GRM1: variants seen among roughly 807,000 people sequenced by gnomAD.
GRM1 encodes the protein metabotropic glutamate receptor 1.
In GRM1, 33 loss-of-function variants were observed where a neutral mutation model predicts 90.9. That is an observed-to-expected ratio of 0.36 (90% confidence interval 0.28 to 0.49). GRM1 has a LOEUF of 0.49. GRM1 is among the 20% of genes least tolerant of loss of function. The probability of loss-of-function intolerance (pLI) is 0.99; values close to 1 mark genes in which losing one functional copy is unlikely to be tolerated. For synonymous variants in GRM1, 700 were observed against 613.2 expected, an observed-to-expected ratio of 1.14 and a Z score of -2.09; for missense variants, 1,190 against 1,534.3, an observed-to-expected ratio of 0.78 and a Z score of 3.75.
intron 7 of GRM1, among the ~76,000 whole-genome samples, chr6:146,425,377 G>T (rs1270234695): frequency 6.6e-6 from 1 of 152,196 alleles, no homozygotes; most frequent in African/African-American, 2.4e-5. Context: ...ATGGGAAGGG[G>T]CATGGTCTCC....
chr6:146,404,705 G>A (rs923885608), intron 7 of GRM1, among the ~76,000 whole-genome samples: 1 of 152,126 alleles, frequency 6.6e-6, no homozygotes, highest in Admixed American at 6.6e-5. Context: ...TGTAGTGTTG[G>A]GCAACTTTGC....
intron 7 of GRM1, among the ~76,000 whole-genome samples, chr6:146,427,948 C>G (rs1778272738): frequency 6.6e-6 from 1 of 152,078 alleles, no homozygotes; most frequent in South Asian, 2.1e-4. Context: ...ACAGCAGGGC[C>G]AGAGAGAGAG....
rs139699018 is a variant in GRM1, at chr6:146,265,823, T to C, written c.951-38788T>C. 4.1e-3 allele frequency among the ~76,000 whole-genome samples: 622 copies of C among 152,334 alleles called. 6 individuals carry two copies. Among genetic ancestry groups the C allele is most frequent in the African/African-American group, 0.014 (585 of 41,574 alleles). The stretch of plus-strand genomic sequence containing the variant: ...TTTATTTTTGTCAACCATCATTGTA[T>C]GTGGCTTTACTTATGGGTTGTCTAT... On this transcript the variant is annotated intron_variant, in intron 2 of 7. Coordinates refer to ENST00000282753, the MANE Select transcript of GRM1 (RefSeq NM_001278064.2).
chr6:146,407,842 C>T (rs374138786), intron 7 of GRM1, among the ~76,000 whole-genome samples: 79 of 152,104 alleles, frequency 5.2e-4, no homozygotes, highest in African/African-American at 1.9e-3. Flanking sequence ...GAGATAGAGC[C>T]CATTCCCAAA....
intron 2 of GRM1, among the ~76,000 whole-genome samples, chr6:146,294,207 A>G (rs1783095441): frequency 6.6e-6 from 1 of 151,816 alleles, no homozygotes; most frequent in African/African-American, 2.4e-5. Context: ...TAAAAAATAT[A>G]AGCATTTCTG....
At chr6:146,176,928 A>C (rs1258572363) in intron 2 of GRM1, among the ~76,000 whole-genome samples, 1 of 152,096 alleles carries the variant, frequency 6.6e-6, no homozygotes, top group Non-Finnish European at 1.5e-5. Context: ...AGTGATACCA[A>C]TATTAACATC....
chr6:146,290,238 G>T (rs964641854), intron 2 of GRM1, among the ~76,000 whole-genome samples: 4 of 152,080 alleles, frequency 2.6e-5, no homozygotes, highest in African/African-American at 9.7e-5. Context: ...CATCTCCAGA[G>T]AAACCAAAAA....
At chr6:146,339,621 A>G (rs939670281) in intron 3 of GRM1, among the ~76,000 whole-genome samples, 3 of 152,230 alleles carry the variant, frequency 2.0e-5, no homozygotes, top group Admixed American at 6.5e-5. Flanking sequence ...TTGCTGAGTT[A>G]TCAGTCATTC....
intron 6 of GRM1, among the ~76,000 whole-genome samples, chr6:146,388,496 T>G (rs1002737944): frequency 6.6e-6 from 1 of 152,066 alleles, no homozygotes; most frequent in Non-Finnish European, 1.5e-5. Flanking sequence ...TTATACTAAG[T>G]GACAATACCT....
At chr6:146,157,910 T>A (rs1562498531) in intron 1 of GRM1, among the ~76,000 whole-genome samples, 1 of 151,814 alleles carries the variant, frequency 6.6e-6, no homozygotes, top group Non-Finnish European at 1.5e-5. Context: ...AAATGGGGAG[T>A]GGGAATGGTT....
rs1188782651 is a variant in GRM1, at chr6:146,399,271, T to A, written c.2232T>A (p.Leu744=). The change falls in exon 7 of 8, where the codon CTT becomes CTA. Residue 744 remains leucine, a synonymous_variant. Transcript: ENST00000282753. The surrounding 1 kb of genome is among the most constrained non-coding windows in gnomAD (Gnocchi z 5.4). The stretch of plus-strand genomic sequence containing the variant: ...ACCCAAGTATCAAGGAAGTCTACCT[T>A]ATCTGCAATACCAGCAACCTGGGTG... ...LSYPSIKEVY[L]ICNTSNLGVV... The A allele has an allele frequency of 6.2e-7, 1 of 1,614,096 alleles. No homozygotes were observed. The highest frequency in any genetic ancestry group is 1.7e-5 in the Admixed American group (1 of 60,016).
intron 1 of GRM1, among the ~76,000 whole-genome samples, chr6:146,121,336 T>G (rs1260943706): frequency 6.6e-6 from 1 of 152,198 alleles, no homozygotes; most frequent in Non-Finnish European, 1.5e-5. Context: ...CTTTTTTTCT[T>G]TATTAATCTT....
intron 1 of GRM1, among the ~76,000 whole-genome samples, chr6:146,099,121 C>A (rs996967065): frequency 2.0e-5 from 3 of 152,126 alleles, no homozygotes; most frequent in African/African-American, 7.2e-5. Context: ...TGTGGAGGCT[C>A]ATGTCTGTAA....
intron 2 of GRM1, among the ~76,000 whole-genome samples, chr6:146,169,019 A>G (rs1341130858): frequency 1.3e-5 from 2 of 152,030 alleles, no homozygotes; most frequent in Non-Finnish European, 2.9e-5. Flanking sequence ...TTCAAATATT[A>G]TTTCTGCCTT....
chr6:146,268,009 G>A (rs1265767249), intron 2 of GRM1, among the ~76,000 whole-genome samples: 2 of 152,088 alleles, frequency 1.3e-5, no homozygotes, highest in Admixed American at 1.3e-4. Flanking sequence ...TCAGGAATTG[G>A]CACACTGTCT....
chr6:146,317,062 G>C (rs970849604), intron 3 of GRM1, among the ~76,000 whole-genome samples: 7 of 152,168 alleles, frequency 4.6e-5, no homozygotes, highest in Admixed American at 2.0e-4. Context: ...GAACCTAACA[G>C]ACTCCTAGTG....
chr6:146,355,672 A>C (rs1785557522), intron 4 of GRM1, among the ~76,000 whole-genome samples: 2 of 151,870 alleles, frequency 1.3e-5, no homozygotes, highest in South Asian at 4.2e-4. Flanking sequence ...AAAAACAAAC[A>C]AACAAACAAA....
intron 2 of GRM1, among the ~76,000 whole-genome samples, chr6:146,264,341 A>G (rs1781800013): frequency 6.6e-6 from 1 of 152,150 alleles, no homozygotes; most frequent in Admixed American, 6.5e-5. Flanking sequence ...TAGAACTTTA[A>G]CAATATTTCT....
rs1266058330 is a variant in GRM1 at position 146,159,487 on chromosome 6, G to A, written c.840G>A (p.Arg280=). 1.9e-6 allele frequency: 3 copies of A among 1,614,072 alleles called. No homozygotes were observed. Among genetic ancestry groups the A allele is most frequent in the Non-Finnish European group, 1.7e-6 (2 of 1,180,030 alleles). Reference sequence around the variant, plus strand: ...GACTCTTGCGCAAACTCCGAGAGAGGCTTCCCAAGGCTAGAGTGGTGGTCT... The same window carrying A: ...GACTCTTGCGCAAACTCCGAGAGAGACTTCCCAAGGCTAGAGTGGTGGTCT... ...FDRLLRKLRE[R]LPKARVVVCF... Residue 280 remains arginine, a synonymous_variant, in exon 2 of 8, where the codon AGG becomes AGA. Coordinates refer to ENST00000282753, the MANE Select transcript of GRM1 (RefSeq NM_001278064.2).
Sources: allele counts gnomAD v4.1 joint callset (sites outside exome capture counted in the v4.1 genomes callset), GRCh38; gene constraint gnomAD v4.1.1; non-coding constraint Gnocchi (gnomAD v3.1); transcripts MANE v1.5; gene names NCBI Gene and HGNC (gene_info 2026-07-23, HGNC 2026-07-21).